Variants in ATP10B observed in about 807,000 individuals in gnomAD.
The protein encoded by ATP10B is phospholipid-transporting ATPase VB.
A neutral mutation model predicts 141.2 loss-of-function variants in ATP10B; 122 were observed. That is an observed-to-expected ratio of 0.86 (90% CI 0.75 to 1.00). ATP10B has a LOEUF of 1.00. ATP10B is among the 50% of genes least tolerant of loss of function. The pLI is 0.00. For missense variants in ATP10B, 1,876 were observed against 1,825.3 expected (o/e 1.03, Z -0.51); for synonymous variants, 685 against 692.0 (o/e 0.99, Z 0.16).
In ATP10B at chr5:160,839,629, G is replaced by A. The variant is rs572509147; in HGVS notation, c.-576+12312C>T. Among the ~76,000 whole-genome samples, 54 of 152,090 alleles carry A rather than the reference G, an allele frequency of 3.6e-4. No individual in the cohort carries two copies. In the South Asian group the frequency reaches 7.5e-3, roughly 21 times the overall value. On this transcript the variant is annotated intron_variant, in intron 1 of 25. Transcript: ENST00000327245. Reference sequence around the variant, plus strand: ...AATTACAACATAAGATGAGAGGCTTGGCAGTTATATCAATAAACACAAATG... The same window carrying A: ...AATTACAACATAAGATGAGAGGCTTAGCAGTTATATCAATAAACACAAATG...
intron 2 of ATP10B, among the ~76,000 whole-genome samples, chr5:160,756,139 A>T (rs914201420): frequency 1.7e-5 from 2 of 116,762 alleles, no homozygotes; most frequent in Non-Finnish European, 3.5e-5. Context: ...AATTATTTGC[A>T]TTATGTATTT....
At chr5:160,825,022 C>T (rs1774472296) in intron 1 of ATP10B, among the ~76,000 whole-genome samples, 1 of 152,080 alleles carries the variant, frequency 6.6e-6, no homozygotes, top group Non-Finnish European at 1.5e-5. Flanking sequence ...TAAAGTTAAC[C>T]ATTCTCTGGG....
At chr5:160,648,976 A>T (rs1344312325) in intron 8 of ATP10B, among the ~76,000 whole-genome samples, 195 bp downstream of exon 8, 1 of 149,186 alleles carries the variant, frequency 6.7e-6, no homozygotes, top group Non-Finnish European at 1.5e-5. Flanking sequence ...CTGCAACATA[A>T]ATAACTATCA....
the ATP10B span, among the ~76,000 whole-genome samples, chr5:160,898,057 C>T: frequency 6.6e-6 from 1 of 152,166 alleles, no homozygotes; most frequent in Non-Finnish European, 1.5e-5. Flanking sequence ...GGATTAAAGA[C>T]TTAACATAAG....
the ATP10B span, among the ~76,000 whole-genome samples, chr5:160,896,705 A>G: frequency 4.6e-5 from 7 of 152,236 alleles, no homozygotes; most frequent in Non-Finnish European, 1.0e-4. Flanking sequence ...TGAGGCCAGT[A>G]TCATCCTGAT....
chr5:160,804,850 C>T (rs528237530), intron 1 of ATP10B, among the ~76,000 whole-genome samples: 5 of 152,314 alleles, frequency 3.3e-5, no homozygotes, highest in Non-Finnish European at 7.3e-5. Flanking sequence ...AGTTGGATTA[C>T]AGCTGTCCCT....
chr5:160,594,452 C>T (rs1756538203), intron 22 of ATP10B, among the ~76,000 whole-genome samples: 1 of 152,138 alleles, frequency 6.6e-6, no homozygotes, highest in Non-Finnish European at 1.5e-5. Flanking sequence ...TTGTAAAGAC[C>T]ATCGAGGCTA....
intron 2 of ATP10B, among the ~76,000 whole-genome samples, chr5:160,762,603 C>T (rs79937557): frequency 0.053 from 8,015 of 152,004 alleles, 690 homozygotes; most frequent in African/African-American, 0.18. Context: ...CCAAAATGAA[C>T]CTCCTTAAAG....
chr5:160,817,806 G>C (rs1000321183), intron 1 of ATP10B, among the ~76,000 whole-genome samples: 3 of 152,138 alleles, frequency 2.0e-5, no homozygotes, highest in African/African-American at 4.8e-5. Flanking sequence ...CAGAGATATA[G>C]ACCAATGGAA....
the ATP10B span, among the ~76,000 whole-genome samples, chr5:160,883,804 T>C: frequency 1.3e-5 from 2 of 150,882 alleles, no homozygotes; most frequent in African/African-American, 5.0e-5. Context: ...AAGTATTCCG[T>C]GGACTTTACA....
chr5:160,914,942 A>G, the ATP10B span, among the ~76,000 whole-genome samples: 1 of 152,194 alleles, frequency 6.6e-6, no homozygotes, highest in African/African-American at 2.4e-5. Context: ...GATATTTTGT[A>G]AAGCCTGGAA....
chr5:160,746,818 AC>A (rs2127815513), intron 2 of ATP10B, among the ~76,000 whole-genome samples: 1 of 152,300 alleles, frequency 6.6e-6, no homozygotes, highest in South Asian at 2.1e-4. Flanking sequence ...GATGATTAAG[AC>A]CATCTCATTC....
At chr5:160,861,887 C>G in the ATP10B span, among the ~76,000 whole-genome samples, 1 of 151,846 alleles carries the variant, frequency 6.6e-6, no homozygotes, top group Non-Finnish European at 1.5e-5. Flanking sequence ...TCTATTACAT[C>G]TTAACAAATG....
chr5:160,863,486 T>A, the ATP10B span, among the ~76,000 whole-genome samples: 3 of 151,894 alleles, frequency 2.0e-5, no homozygotes, highest in Non-Finnish European at 2.9e-5. Context: ...GTTCATAGCA[T>A]TAAATGCCCA....
In ATP10B at chr5:160,589,606, C is replaced by T. The variant is rs774384700; in HGVS notation, c.3736G>A (p.Glu1246Lys). The T allele has an allele frequency of 6.2e-7, 1 of 1,613,836 alleles. No individual in the cohort carries two copies. The highest frequency in any genetic ancestry group is 8.5e-7 in the Non-Finnish European group (1 of 1,179,874). Residue 1246 changes from glutamate to lysine, a missense_variant, in exon 24 of 26, where the codon GAA (glutamate) becomes AAA (lysine). Transcript: ENST00000327245. ...LTTILLHQAM[E>K]MKTWTIFHGV... Reference sequence around the variant, plus strand: ...GGGACACTTACCCATGTCTTCATTTCCATTGCCTGGTGCAAAAGGATTGTG... The same window carrying T: ...GGGACACTTACCCATGTCTTCATTTTCATTGCCTGGTGCAAAAGGATTGTG...
At position 160,598,941 on chromosome 5, in the gene ATP10B, C is replaced by T; in HGVS notation, c.3393G>A (p.Gln1131=). The T allele has an allele frequency of 6.2e-7, 1 of 1,614,160 alleles. No individual in the cohort carries two copies. Among genetic ancestry groups the T allele is most frequent in the Non-Finnish European group, 8.5e-7 (1 of 1,180,010 alleles). ...VCYVNLLFWY[Q]FFCGFSSSTM... ...TGGAGCTGGAGAAACCACAGAAGAA[C>T]TGATACCAGAAGAGCAGGTTGACGT... Residue 1131 remains glutamine (Q), a synonymous_variant, in exon 22 of 26, where the codon CAG becomes CAA. Transcript: ENST00000327245.
At chr5:160,874,634 G>GA in the ATP10B span, among the ~76,000 whole-genome samples, 7 of 152,008 alleles carry the variant, frequency 4.6e-5, no homozygotes, top group Admixed American at 6.6e-5. Flanking sequence ...TGAAAACTTT[G>GA]AAAAAAATGT....
intron 3 of ATP10B, among the ~76,000 whole-genome samples, chr5:160,689,761 C>T (rs1003893865): frequency 3.3e-5 from 5 of 152,208 alleles, no homozygotes; most frequent in South Asian, 2.1e-4. Context: ...AAATCAATAT[C>T]GTGAAAATGG....
At chr5:160,791,934 C>G (rs1028422019) in intron 1 of ATP10B, among the ~76,000 whole-genome samples, 1 of 152,118 alleles carries the variant, frequency 6.6e-6, no homozygotes, top group African/African-American at 2.4e-5. Flanking sequence ...ATGAAAATGA[C>G]TCTAGCTGGG....
Sources: allele counts gnomAD v4.1 joint callset (sites outside exome capture counted in the v4.1 genomes callset), GRCh38; gene constraint gnomAD v4.1.1; transcripts MANE v1.5; gene names NCBI Gene and HGNC (gene_info 2026-07-23, HGNC 2026-07-21).